MALRD1: variants seen among roughly 807,000 people sequenced by gnomAD.
MALRD1 encodes the protein MAM and LDL receptor class A domain containing 1.
MALRD1 carries 247 observed loss-of-function variants against 242.1 expected under a neutral mutation model. The observed-to-expected ratio is 1.02, with a 90% CI of 0.92 to 1.13. MALRD1 has a LOEUF of 1.13. MALRD1 is among the 50% of genes most tolerant of loss of function. The probability of loss-of-function intolerance (pLI) is 0.00; values close to 1 mark genes in which losing one functional copy is unlikely to be tolerated. For synonymous variants in MALRD1, 995 were observed against 866.6 expected (o/e 1.15, Z -2.60); for missense variants, 2,989 against 2,533.1 (o/e 1.18, Z -3.86).
At chr10:19,510,111 G>A (rs1370808468) in intron 31 of MALRD1, among the ~76,000 whole-genome samples, 1 of 152,150 alleles carries the variant, frequency 6.6e-6, no homozygotes, top group East Asian at 1.9e-4. Flanking sequence ...AAAGGAAAAG[G>A]TGCTGTGCTT....
At chr10:19,623,276 C>A (rs1839488456) in intron 36 of MALRD1, among the ~76,000 whole-genome samples, 1 of 151,528 alleles carries the variant, frequency 6.6e-6, no homozygotes, top group African/African-American at 2.4e-5. Flanking sequence ...TACAAATATC[C>A]CTAATACACA....
At position 19,196,682 on chromosome 10, in the gene MALRD1, A is replaced by G. The variant is rs547025461; in HGVS notation, c.1952-7046A>G. Among the ~76,000 whole-genome samples the G allele has an allele frequency of 6.6e-5, 10 of 152,138 alleles. No homozygotes were observed. The South Asian group carries it at 1.2e-3, about 19-fold the overall frequency. On this transcript the variant is annotated intron_variant, in intron 14 of 39. Transcript: ENST00000454679. ...CCTGACATGATCACTTGAATACCTAATAGGAACAGCAAGTGCAACATGTCC... is the reference window on the plus strand; with the variant it reads ...CCTGACATGATCACTTGAATACCTAGTAGGAACAGCAAGTGCAACATGTCC...
rs1159410322 is a variant in MALRD1 at position 19,136,601 on chromosome 10, C to T, written c.1231C>T (p.Gln411Ter). The change falls in exon 10 of 40, where the codon CAG becomes TAG. Residue 411 changes from glutamine to a stop codon, truncating the protein, a stop_gained. Coordinates refer to ENST00000454679, the MANE Select transcript of MALRD1 (RefSeq NM_001142308.3). LOFTEE classifies it high-confidence loss of function. ...TATTTTTGAAGGGACTCTTTTGAGCCAGAGAAGTTTTATTGCCCTTGATCA... is the reference window on the plus strand; with the variant it reads ...TATTTTTGAAGGGACTCTTTTGAGCTAGAGAAGTTTTATTGCCCTTGATCA... ...KIIFEGTLLS[Q>*]RSFIALDHLW... The T allele has an allele frequency of 4.9e-6, 6 of 1,231,408 alleles. No homozygotes were observed. The highest frequency in any genetic ancestry group is 5.1e-6 in the Non-Finnish European group (5 of 987,820). The allele number at this position is 1,231,408 out of a possible 1,614,324, so 76.3% of individuals were successfully genotyped here.
chr10:19,107,623 T>A (rs1836515828), intron 5 of MALRD1, among the ~76,000 whole-genome samples: 1 of 151,742 alleles, frequency 6.6e-6, no homozygotes, highest in African/African-American at 2.4e-5. Flanking sequence ...TTAATCCATT[T>A]ACATTTAATG....
chr10:19,238,400 T>C (rs187155392), intron 18 of MALRD1, among the ~76,000 whole-genome samples: 4,544 of 71,232 alleles, frequency 0.064, 575 homozygotes, highest in African/African-American at 0.11. Flanking sequence ...ATATGTTATA[T>C]ATTATGTATA....
chr10:19,061,589 C>G (rs1436496818), intron 1 of MALRD1, among the ~76,000 whole-genome samples: 1 of 152,144 alleles, frequency 6.6e-6, no homozygotes, highest in Admixed American at 6.5e-5. Context: ...GACATAAAGA[C>G]AGCCATCTAG....
intron 19 of MALRD1, among the ~76,000 whole-genome samples, chr10:19,264,880 G>C (rs1169082429): frequency 6.6e-6 from 1 of 152,092 alleles, no homozygotes; most frequent in Non-Finnish European, 1.5e-5. Context: ...TAAGGCCCTG[G>C]ACTTTTCTTT....
chr10:19,373,284 C>CCT (rs60206735), intron 26 of MALRD1, among the ~76,000 whole-genome samples: 21,693 of 146,636 alleles, frequency 0.15, 1,686 homozygotes, highest in African/African-American at 0.18. Context: ...GGACGGATCA[C>CCT]GAGGTCAGGA....
intron 35 of MALRD1, among the ~76,000 whole-genome samples, chr10:19,612,046 C>A (rs919112884): frequency 2.0e-5 from 3 of 151,314 alleles, no homozygotes; most frequent in African/African-American, 7.4e-5. Flanking sequence ...AAATGGTCAG[C>A]ACTCCTGTAC....
chr10:19,553,216 T>G (rs1835570738), intron 32 of MALRD1, among the ~76,000 whole-genome samples: 1 of 152,080 alleles, frequency 6.6e-6, no homozygotes, highest in Non-Finnish European at 1.5e-5. Context: ...AATAAACAAT[T>G]GGGCTCTATG....
chr10:19,715,747 A>T (rs901951344), intron 38 of MALRD1, among the ~76,000 whole-genome samples: 8 of 152,202 alleles, frequency 5.3e-5, no homozygotes, highest in African/African-American at 1.9e-4. Context: ...GTGAGGCCTC[A>T]GGCAACTTAC....
At chr10:19,200,513 C>T (rs1051243854) in intron 14 of MALRD1, among the ~76,000 whole-genome samples, 7 of 152,018 alleles carry the variant, frequency 4.6e-5, no homozygotes, top group African/African-American at 1.7e-4. Context: ...CTTTTTTGTA[C>T]ACTTCATGTT....
At position 19,567,251 on chromosome 10, in the gene MALRD1, G is replaced by T. The variant is rs546762767; in HGVS notation, c.5479-251G>T. On this transcript the variant is annotated intron_variant, in intron 32 of 39. Transcript: ENST00000454679. ...TTTTTAAATGCTTAAGACAGTTACG[G>T]TTTTTTTTAATTATGTCCAGTTTGA... Among the ~76,000 whole-genome samples, 116 of 151,924 alleles carry T rather than the reference G, an allele frequency of 7.6e-4. 2 individuals are homozygous for T. The South Asian group carries it at 0.023, about 31-fold the overall frequency.
intron 28 of MALRD1, among the ~76,000 whole-genome samples, chr10:19,402,822 C>A (rs943897761): frequency 1.3e-5 from 2 of 152,066 alleles, no homozygotes; most frequent in Admixed American, 1.3e-4. Flanking sequence ...ATCCTTCCCC[C>A]ACCAAACACA....
intron 18 of MALRD1, among the ~76,000 whole-genome samples, chr10:19,242,623 C>T (rs1465905870): frequency 6.6e-6 from 1 of 151,976 alleles, no homozygotes; most frequent in Non-Finnish European, 1.5e-5. Context: ...TATAGTTACA[C>T]CTAAGTAATA....
chr10:19,604,036 G>T (rs1690773563), intron 34 of MALRD1, among the ~76,000 whole-genome samples: 1 of 152,154 alleles, frequency 6.6e-6, no homozygotes, highest in Non-Finnish European at 1.5e-5. Context: ...AGGAAATGCA[G>T]ATCTCTGACT....
chr10:19,384,542 C>T (rs1405287813), intron 26 of MALRD1, among the ~76,000 whole-genome samples: 1 of 112,162 alleles, frequency 8.9e-6, no homozygotes, highest in African/African-American at 3.6e-5. Context: ...AATATATTTA[C>T]TATATATTAT....
chr10:19,405,819 A>C (rs1316526256), intron 28 of MALRD1, among the ~76,000 whole-genome samples: 2 of 151,492 alleles, frequency 1.3e-5, no homozygotes, highest in Non-Finnish European at 2.9e-5. Context: ...AGATAACACC[A>C]CTCACTAAAC....
chr10:19,217,328 C>G (rs935596305), intron 18 of MALRD1, among the ~76,000 whole-genome samples: 2 of 152,124 alleles, frequency 1.3e-5, no homozygotes, highest in African/African-American at 4.8e-5. Context: ...AGTTCATTCT[C>G]TTTTTGTACT....
Sources: allele counts gnomAD v4.1 joint callset (sites outside exome capture counted in the v4.1 genomes callset), GRCh38; gene constraint gnomAD v4.1.1; transcripts MANE v1.5; gene names NCBI Gene and HGNC (gene_info 2026-07-23, HGNC 2026-07-21).